The following AP2B1 variants were observed in gnomAD, a reference collection of about 807,000 sequenced individuals.
AP2B1 encodes adaptor related protein complex 2 subunit beta 1.
A neutral mutation model predicts 102.0 loss-of-function variants in AP2B1; 23 were observed. The observed-to-expected ratio is 0.23, with a 90% CI of 0.16 to 0.32. The LOEUF (loss-of-function observed/expected upper bound fraction) is 0.32. AP2B1 is among the 10% of genes least tolerant of loss of function. The probability of loss-of-function intolerance (pLI) is 1.00; values close to 1 mark genes in which losing one functional copy is unlikely to be tolerated. For synonymous variants in AP2B1, 381 were observed against 421.2 expected, an observed-to-expected ratio of 0.90 and a Z score of 1.17; for missense variants, 541 against 1,157.4, an observed-to-expected ratio of 0.47 and a Z score of 7.73.
chr17:35,631,325 T>C (rs2074454967), intron 9 of AP2B1, among the ~76,000 whole-genome samples: 1 of 152,172 alleles, frequency 6.6e-6, no homozygotes, highest in South Asian at 2.1e-4. Context: ...AAAACATATT[T>C]TTCCTATTAG....
intron 6 of AP2B1, 69 bp from the exon 7 acceptor site, chr17:35,626,552 T>C (rs1377955519): frequency 8.4e-6 from 11 of 1,308,246 alleles, no homozygotes; most frequent in Non-Finnish European, 1.2e-5. Flanking sequence ...CTCTGACATA[T>C]TACCTTATAG....
At position 35,698,203 on chromosome 17, in the gene AP2B1, T is replaced by G. The variant is rs587736890; in HGVS notation, c.2455-11021T>G. Among the ~76,000 whole-genome samples, 16 of 152,328 alleles carry G rather than the reference T, an allele frequency of 1.1e-4. No individual in the cohort carries two copies. In the South Asian group the frequency reaches 3.3e-3, roughly 32 times the overall value. On this transcript the variant is annotated intron_variant, in intron 18 of 21. Transcript: ENST00000610402. ...AGTGAAAAGACTGAGACACATAAACTGAAATTCAACTTTGGAAATGAATTT... is the reference window on the plus strand; with the variant it reads ...AGTGAAAAGACTGAGACACATAAACGGAAATTCAACTTTGGAAATGAATTT...
intron 18 of AP2B1, among the ~76,000 whole-genome samples, chr17:35,701,303 G>A (rs1034532284): frequency 1.3e-5 from 2 of 151,668 alleles, no homozygotes; most frequent in Non-Finnish European, 2.9e-5. Flanking sequence ...AAGAACTACC[G>A]GTTGGTCATG....
intron 14 of AP2B1, among the ~76,000 whole-genome samples, chr17:35,665,028 C>T (rs994136670): frequency 4.6e-5 from 7 of 151,824 alleles, no homozygotes; most frequent in Non-Finnish European, 1.0e-4. Flanking sequence ...TATTCCTTAT[C>T]AAGTCTGCTC....
chr17:35,621,012 TATAC>T (rs1406244740), intron 5 of AP2B1, among the ~76,000 whole-genome samples: 1 of 152,216 alleles, frequency 6.6e-6, no homozygotes, highest in Non-Finnish European at 1.5e-5. Flanking sequence ...TTTGTCTTAG[TATAC>T]AGGTGAGTCA....
chr17:35,675,077 G>C (rs1011105039), intron 17 of AP2B1, among the ~76,000 whole-genome samples: 1 of 152,196 alleles, frequency 6.6e-6, no homozygotes, highest in Non-Finnish European at 1.5e-5. Flanking sequence ...AAGTATATAT[G>C]CTGAACAAAT....
chr17:35,686,823 A>C (rs1014240181), intron 18 of AP2B1, among the ~76,000 whole-genome samples: 1 of 152,032 alleles, frequency 6.6e-6, no homozygotes, highest in Admixed American at 6.6e-5. Context: ...AAAATTAGTC[A>C]GGCATGGTGG....
chr17:35,608,300 A>G lies in AP2B1; in HGVS notation c.438A>G (p.Ala146=). The change falls in exon 5 of 22, where the codon GCA becomes GCG. Residue 146 remains alanine (A), a synonymous_variant. Transcript: ENST00000610402. ...GGAAAACAGCAGCAGTCTGCGTGGC[A>G]AAACTCCATGATATCAATGCCCAAA... ...YVRKTAAVCV[A]KLHDINAQMV... is the part of the protein sequence containing the mutation. 1 of 1,614,216 alleles carries G rather than the reference A, an allele frequency of 6.2e-7. No individual in the cohort carries two copies. Among genetic ancestry groups the G allele is most frequent in the Non-Finnish European group, 8.5e-7 (1 of 1,180,048 alleles).
intron 18 of AP2B1, among the ~76,000 whole-genome samples, chr17:35,706,092 G>T (rs2076335421): frequency 6.6e-6 from 1 of 152,120 alleles, no homozygotes; most frequent in Non-Finnish European, 1.5e-5. Flanking sequence ...TCAGAAAATT[G>T]TTCTACAGTA....
intron 20 of AP2B1, among the ~76,000 whole-genome samples, chr17:35,716,266 C>A (rs1250247913): frequency 6.6e-6 from 1 of 152,184 alleles, no homozygotes; most frequent in Non-Finnish European, 1.5e-5. Flanking sequence ...AAACAGTCAA[C>A]AAAGAAGCAG....
intron 11 of AP2B1, among the ~76,000 whole-genome samples, 198 bp downstream of exon 11, chr17:35,639,958 C>T (rs1488960616): frequency 6.6e-6 from 1 of 152,168 alleles, no homozygotes; most frequent in African/African-American, 2.4e-5. Flanking sequence ...GCTTTGTTGT[C>T]CAGGCTGGAG....
chr17:35,709,207 T>G lies in AP2B1; in HGVS notation c.2455-17T>G. 1 of 1,613,276 alleles carries G rather than the reference T, an allele frequency of 6.2e-7. No homozygotes were observed. The highest frequency in any genetic ancestry group is 8.5e-7 in the Non-Finnish European group (1 of 1,179,216). On this transcript the variant is annotated splice_polypyrimidine_tract_variant and intron_variant, in intron 18 of 21. Transcript: ENST00000610402. The stretch of plus-strand genomic sequence containing the variant: ...TCCCTGCGATGTCCTCATTTGACCT[T>G]GTTGCTTTCCTGGCAGGTGGCTGTG...
intron 18 of AP2B1, among the ~76,000 whole-genome samples, chr17:35,694,545 G>A (rs764919846): frequency 1.1e-3 from 160 of 151,888 alleles, no homozygotes; most frequent in Non-Finnish European, 1.8e-3. Context: ...ACAGGCATGA[G>A]CCACCGCACC....
intron 18 of AP2B1, among the ~76,000 whole-genome samples, chr17:35,687,846 C>T (rs917469030): frequency 3.3e-5 from 5 of 152,142 alleles, no homozygotes; most frequent in African/African-American, 1.2e-4. Context: ...CCTCCACACC[C>T]TGCCCAGTGT....
chr17:35,651,714 G>GA (rs11389910), intron 13 of AP2B1, among the ~76,000 whole-genome samples: 23,661 of 147,566 alleles, frequency 0.16, 2,381 homozygotes, highest in East Asian at 0.34. Context: ...ACAGATAAAG[G>GA]AAAAAAAAAA....
intron 5 of AP2B1, among the ~76,000 whole-genome samples, chr17:35,623,999 A>G (rs1348557116): frequency 6.6e-6 from 1 of 152,178 alleles, no homozygotes; most frequent in Non-Finnish European, 1.5e-5. Context: ...ACAGCTACAC[A>G]ACTATAAGAT....
rs587688403 is a variant in AP2B1 at position 35,702,851 on chromosome 17, A to G, written c.2455-6373A>G. 2.0e-5 allele frequency among the ~76,000 whole-genome samples: 3 copies of G among 152,336 alleles called. No homozygotes were observed. The South Asian group carries it at 6.2e-4, about 32-fold the overall frequency. Reference sequence around the variant, plus strand: ...CTATCTCACACCAGTTGGAATGGCTATTATTAAAAAAATTTTTGAAAATAA... The same window carrying G: ...CTATCTCACACCAGTTGGAATGGCTGTTATTAAAAAAATTTTTGAAAATAA... On this transcript the variant is annotated intron_variant, in intron 18 of 21. Transcript: ENST00000610402.
rs1555595291 is a variant in AP2B1, at chr17:35,726,207, G to A, written c.*2508G>A. The A allele has an allele frequency of 6.6e-6, 1 of 152,004 alleles. No homozygotes were observed. The highest frequency in any genetic ancestry group is 2.4e-5 in the African/African-American group (1 of 41,372). 9.4% of individuals were successfully genotyped at this position (152,004 alleles called of 1,614,324 possible). A position where few individuals can be genotyped will look rare whatever the true frequency, so the allele number is the denominator to read the frequency against. On this transcript the variant is annotated 3_prime_UTR_variant, in exon 22 of 22. Coordinates refer to ENST00000610402, the MANE Select transcript of AP2B1 (RefSeq NM_001030006.2). The stretch of plus-strand genomic sequence containing the variant: ...CTCTTTTGCTGGTCAGAGATTCCCT[G>A]AGTGTCTGTCCTCACCCAAGCCTGC...
intron 18 of AP2B1, among the ~76,000 whole-genome samples, chr17:35,690,922 A>C (rs922643780): frequency 6.6e-6 from 1 of 152,186 alleles, no homozygotes. Flanking sequence ...CCTGCGATAC[A>C]ACTTTATAAT....
Sources: allele counts gnomAD v4.1 joint callset (sites outside exome capture counted in the v4.1 genomes callset), GRCh38; gene constraint gnomAD v4.1.1; transcripts MANE v1.5; gene names NCBI Gene and HGNC (gene_info 2026-07-23, HGNC 2026-07-21).